RLBP1: variants seen among roughly 807,000 people sequenced by gnomAD.
RLBP1 encodes the protein retinaldehyde binding protein 1.
Under a neutral mutation model 36.2 loss-of-function variants are expected in RLBP1, and 26 were observed. That is an observed-to-expected ratio of 0.72 (90% CI 0.53 to 1.00). The LOEUF (loss-of-function observed/expected upper bound fraction) is 1.00, where lower values mean the gene tolerates loss of function less well. RLBP1 is among the 50% of genes least tolerant of loss of function. The probability of loss-of-function intolerance (pLI) is 0.00; values close to 1 mark genes in which losing one functional copy is unlikely to be tolerated. For synonymous variants in RLBP1, 155 were observed against 156.2 expected (o/e 0.99, Z 0.06); for missense variants, 410 against 402.4 (o/e 1.02, Z -0.16).
intron 5 of RLBP1, among the ~76,000 whole-genome samples, chr15:89,215,780 C>T (rs1031108902): frequency 2.6e-5 from 4 of 152,158 alleles, no homozygotes; most frequent in African/African-American, 9.7e-5. Context: ...AAATTTGAGC[C>T]CCTAGAGGAC....
rs998354058 is a variant in RLBP1, at chr15:89,210,520, G to A, written c.796-77C>T. Reference sequence around the variant, plus strand: ...TGAGGGTTGAGGGAGGAAAGGGGCAGGAGGACAAAGCCCCATCATGTGCAG... The same window carrying A: ...TGAGGGTTGAGGGAGGAAAGGGGCAAGAGGACAAAGCCCCATCATGTGCAG... On this transcript the variant is annotated intron_variant, in intron 8 of 8. Coordinates refer to ENST00000268125, the MANE Select transcript of RLBP1 (RefSeq NM_000326.5). This position sits in a 1 kb window ranked among gnomAD's most constrained non-coding sequence, Gnocchi z 4.7. 61 of 1,513,504 alleles carry A rather than the reference G, an allele frequency of 4.0e-5. No homozygotes were observed. Among genetic ancestry groups the A allele is most frequent in the Non-Finnish European group, 5.2e-5 (57 of 1,091,546 alleles). 93.8% of individuals were successfully genotyped at this position (1,513,504 alleles called of 1,614,324 possible). A position where few individuals can be genotyped will look rare whatever the true frequency, so the allele number is the denominator to read the frequency against.
Position 89,210,655 on chromosome 15 carries a change from C to A in RLBP1, c.795+44G>T. 1 of 1,431,458 alleles carries A rather than the reference C, an allele frequency of 7.0e-7. No individual in the cohort carries two copies. Among genetic ancestry groups the A allele is most frequent in the Non-Finnish European group, 9.7e-7 (1 of 1,034,184 alleles). The allele number at this position is 1,431,458 out of a possible 1,614,324, so 88.7% of individuals were successfully genotyped here. On this transcript the variant is annotated intron_variant, in intron 8 of 8. Coordinates refer to ENST00000268125, the MANE Select transcript of RLBP1 (RefSeq NM_000326.5). This position sits in a 1 kb window ranked among gnomAD's most constrained non-coding sequence, Gnocchi z 4.7. Reference sequence around the variant, plus strand: ...GAGGAGGGCTCAGGTGAGGCCCCACCCTCAGCCCTCTTGTCTCATTGTCTG... The same window carrying A: ...GAGGAGGGCTCAGGTGAGGCCCCACACTCAGCCCTCTTGTCTCATTGTCTG...
chr15:89,217,024 T>G lies in RLBP1; in HGVS notation c.346+96A>C, dbSNP rs73473310. On this transcript the variant is annotated intron_variant, in intron 5 of 8. Coordinates refer to ENST00000268125, the MANE Select transcript of RLBP1 (RefSeq NM_000326.5). ...CTCAGAGAAACTGACTTGCCCACAG[T>G]ATGGAAGCAGGCCTGTTCAGTGCCA... The G allele has an allele frequency of 3.3e-3, 4,392 of 1,318,644 alleles. 102 individuals are homozygous for G. In the African/African-American group the frequency reaches 0.047, roughly 14 times the overall value. The allele number at this position is 1,318,644 out of a possible 1,614,324, so 81.7% of individuals were successfully genotyped here.
rs28933990 is a variant in RLBP1, at chr15:89,210,794, G to A, written c.700C>T (p.Arg234Trp). ...TGGATGAAGTGGATGGCTTTGAACCGGGCTGGGAAGGAATCCTGCGGTGAC... is the reference window on the plus strand; with the variant it reads ...TGGATGAAGTGGATGGCTTTGAACCAGGCTGGGAAGGAATCCTGCGGTGAC... ...VDMLQDSFPA[R>W]FKAIHFIHQP... Residue 234 changes from arginine to tryptophan, a missense_variant, in exon 8 of 9, where the codon CGG becomes TGG. Physicochemically the swap from Arg to Trp is moderately radical, Grantham distance 101. Transcript: ENST00000268125. The surrounding 1 kb of genome is among the most constrained non-coding windows in gnomAD (Gnocchi z 4.7). 6.0e-5 allele frequency: 95 copies of A among 1,589,200 alleles called. No individual in the cohort carries two copies. The highest frequency in any genetic ancestry group is 1.7e-4 in the Middle Eastern group (1 of 6,038).
At chr15:89,217,060 G>A (rs1467677772) in intron 5 of RLBP1, 60 bp downstream of exon 5, 9 of 1,550,408 alleles carry the variant, frequency 5.8e-6, no homozygotes, top group South Asian at 5.6e-5. Context: ...GGATGAGAGC[G>A]GATAGCATCC....
Position 89,214,028 on chromosome 15 carries a change from C to A in RLBP1, c.525+1032G>T, listed in dbSNP as rs527645777. 2.0e-5 allele frequency among the ~76,000 whole-genome samples: 3 copies of A among 152,018 alleles called. No homozygotes were observed. The highest frequency in any genetic ancestry group is 7.2e-5 in the African/African-American group (3 of 41,436). On this transcript the variant is annotated intron_variant, in intron 6 of 8. Transcript: ENST00000268125. This position sits in a 1 kb window ranked among gnomAD's most constrained non-coding sequence, Gnocchi z 4.6. ...TTGGAGTATGAATAGATAAAGAGACCAATGGAACAGAATAGAAAGTCCAGA... is the reference window on the plus strand; with the variant it reads ...TTGGAGTATGAATAGATAAAGAGACAAATGGAACAGAATAGAAAGTCCAGA...
chr15:89,216,984 G>T, intron 5 of RLBP1, 136 bp downstream of exon 5: 1 of 852,662 alleles, frequency 1.2e-6, no homozygotes, highest in Non-Finnish European at 1.9e-6. Flanking sequence ...CATTTTACAG[G>T]TAAGGATGTG....
Position 89,211,961 on chromosome 15 carries a change from G to T in RLBP1, c.526-60C>A. On this transcript the variant is annotated intron_variant, in intron 6 of 8. Transcript: ENST00000268125. The surrounding 1 kb of genome is among the most constrained non-coding windows in gnomAD (Gnocchi z 5.8). ...CCCGCAACAATAATTAAGGCTTGAG[G>T]TCCTGAGGGGAGAGCTAATTGGTAC... 6.4e-7 allele frequency: 1 copy of T among 1,570,206 alleles called. No individual in the cohort carries two copies. Among genetic ancestry groups the T allele is most frequent in the Non-Finnish European group, 8.7e-7 (1 of 1,143,844 alleles).
rs1483379063 is a variant in RLBP1 at position 89,214,366 on chromosome 15, C to T, written c.525+694G>A. ...ATCCCAGCTACTTGGAAGGCTGAGG[C>T]TTGAGGATCGCTCGAACCCAGGAGG... On this transcript the variant is annotated intron_variant, in intron 6 of 8. Transcript: ENST00000268125. This position sits in a 1 kb window ranked among gnomAD's most constrained non-coding sequence, Gnocchi z 4.6. Among the ~76,000 whole-genome samples the T allele has an allele frequency of 6.6e-6, 1 of 152,186 alleles. No individual in the cohort carries two copies. The highest frequency in any genetic ancestry group is 2.4e-5 in the African/African-American group (1 of 41,460).
chr15:89,210,040 G>C lies in RLBP1; in HGVS notation c.*245C>G. The C allele has an allele frequency of 1.8e-6, 1 of 560,114 alleles. No individual in the cohort carries two copies. The highest frequency in any genetic ancestry group is 2.1e-5 in the South Asian group (1 of 48,300). 34.7% of individuals were successfully genotyped at this position (560,114 alleles called of 1,614,324 possible). On this transcript the variant is annotated 3_prime_UTR_variant, in exon 9 of 9. Coordinates refer to ENST00000268125, the MANE Select transcript of RLBP1 (RefSeq NM_000326.5). The surrounding 1 kb of genome is among the most constrained non-coding windows in gnomAD (Gnocchi z 4.7). ...AATACAACCTTACACAAAAATCACTGTCTTAAAGCTTCAAGGGCAGGTGGA... is the reference window on the plus strand; with the variant it reads ...AATACAACCTTACACAAAAATCACTCTCTTAAAGCTTCAAGGGCAGGTGGA...
chr15:89,217,779 C>A (rs2051594506), intron 4 of RLBP1, among the ~76,000 whole-genome samples: 1 of 152,186 alleles, frequency 6.6e-6, no homozygotes, highest in Non-Finnish European at 1.5e-5. Context: ...TCATTTCACT[C>A]TGCTGCCTCC....
At position 89,218,591 on chromosome 15, in the gene RLBP1, G is replaced by T. The variant is rs950374629; in HGVS notation, c.115C>A (p.Gln39Lys). Residue 39 changes from glutamine to lysine, a missense_variant, in exon 4 of 9, where the codon CAG becomes AAG. Physicochemically the swap from Gln to Lys is moderately conservative, Grantham distance 53. Coordinates refer to ENST00000268125, the MANE Select transcript of RLBP1 (RefSeq NM_000326.5). The surrounding 1 kb of genome is among the most constrained non-coding windows in gnomAD (Gnocchi z 4.6). ...TTCTGCAAGGTGTGGCGGGGCAGCT[G>T]GCTGCACGGGCCAAAGACAGGTCCA... is the stretch of plus-strand genomic sequence containing the variant. The part of the protein sequence containing the change: ...DHGPVFGPCS[Q>K]LPRHTLQKAK... 1 of 1,614,112 alleles carries T rather than the reference G, an allele frequency of 6.2e-7. No individual in the cohort carries two copies. The highest frequency in any genetic ancestry group is 8.5e-7 in the Non-Finnish European group (1 of 1,180,042).
rs2150971196 is a variant in RLBP1 at position 89,217,180 on chromosome 15, A to G, written c.286T>C (p.Phe96Leu). ...ERVQEKDSGF[F>L]LRFIRARKFN... is the part of the protein sequence containing the mutation. ...TTCCGTGCGCGGATGAAGCGCAGGA[A>G]GAAGCCGCTGTCCTTCTCTTGCACC... is the stretch of plus-strand genomic sequence containing the variant. The change falls in exon 5 of 9, where the codon TTC (phenylalanine) becomes CTC (leucine). Residue 96 changes from phenylalanine to leucine, a missense_variant. Physicochemically the swap from Phe to Leu is conservative, Grantham distance 22. Coordinates refer to ENST00000268125, the MANE Select transcript of RLBP1 (RefSeq NM_000326.5). 2 of 1,614,072 alleles carry G rather than the reference A, an allele frequency of 1.2e-6. No homozygotes were observed. Among genetic ancestry groups the G allele is most frequent in the South Asian group, 2.2e-5 (2 of 91,084 alleles).
In RLBP1 at chr15:89,218,480, C is replaced by G; in HGVS notation, c.141+85G>C. On this transcript the variant is annotated intron_variant, in intron 4 of 8. Coordinates refer to ENST00000268125, the MANE Select transcript of RLBP1 (RefSeq NM_000326.5). The surrounding 1 kb of genome is among the most constrained non-coding windows in gnomAD (Gnocchi z 4.6). ...ATGATCTGGAGTGCCGAGGCTGGAC[C>G]CTTTTCACAGGAGAGAGAATGCAGT... 1 of 1,594,904 alleles carries G rather than the reference C, an allele frequency of 6.3e-7. No homozygotes were observed. Among genetic ancestry groups the G allele is most frequent in the Non-Finnish European group, 8.6e-7 (1 of 1,165,714 alleles).
rs2051527981 is a variant in RLBP1, at chr15:89,210,467, A to G, written c.796-24T>C. 3.1e-6 allele frequency: 5 copies of G among 1,613,794 alleles called. No homozygotes were observed. The South Asian group carries it at 4.4e-5, about 14-fold the overall frequency. On this transcript the variant is annotated intron_variant, in intron 8 of 8. Coordinates refer to ENST00000268125, the MANE Select transcript of RLBP1 (RefSeq NM_000326.5). This position sits in a 1 kb window ranked among gnomAD's most constrained non-coding sequence, Gnocchi z 4.7. ...ACCTGCAGGGAAGCAAGGGAGACAG[A>G]ACTGAGCAGGAGGAGGTGCCCTAAG...
At chr15:89,219,307 T>G (rs2051608299) in intron 2 of RLBP1, among the ~76,000 whole-genome samples, 1 of 152,196 alleles carries the variant, frequency 6.6e-6, no homozygotes, top group Non-Finnish European at 1.5e-5. Context: ...AAACACTGCT[T>G]GGACAAAGGG....
At chr15:89,220,833 C>A (rs12324156) in intron 1 of RLBP1, among the ~76,000 whole-genome samples, 6 of 151,990 alleles carry the variant, frequency 3.9e-5, no homozygotes, top group Non-Finnish European at 8.8e-5. Flanking sequence ...GGTTCAAGTC[C>A]GTGCGGCAAC....
chr15:89,220,971 A>G (rs1195387698), intron 1 of RLBP1, among the ~76,000 whole-genome samples: 1 of 151,802 alleles, frequency 6.6e-6, no homozygotes, highest in Admixed American at 6.6e-5. Context: ...TCAGATTACC[A>G]ATTAAATACA....
At chr15:89,221,231 A>G (rs979782544) in intron 1 of RLBP1, among the ~76,000 whole-genome samples, 1 of 151,794 alleles carries the variant, frequency 6.6e-6, no homozygotes, top group African/African-American at 2.4e-5. Flanking sequence ...CTGGTCTCGA[A>G]CTCCTGACCT....
Sources: gnomAD v4.1 joint callset for allele counts (sites outside exome capture counted in the v4.1 genomes callset) on GRCh38, gnomAD v4.1.1 for gene constraint, Gnocchi (gnomAD v3.1) non-coding constraint, MANE v1.5 for transcripts, NCBI Gene and HGNC (gene_info 2026-07-23, HGNC 2026-07-21) for gene names.